Variants in OR1F1 observed in about 807,000 individuals in gnomAD.
OR1F1 encodes olfactory receptor 1F1.
For synonymous variants in OR1F1, 184 were observed against 156.7 expected, an observed-to-expected ratio of 1.17 and a Z score of -1.30; for missense variants, 493 against 376.3, an observed-to-expected ratio of 1.31 and a Z score of -2.57.
the OR1F1 span, among the ~76,000 whole-genome samples, chr16:3,198,844 T>C: frequency 6.6e-6 from 1 of 151,596 alleles, no homozygotes; most frequent in East Asian, 1.9e-4. Flanking sequence ...AAAAATTAGC[T>C]GGGCTTGGAG....
At chr16:3,193,071 G>A in the OR1F1 span, among the ~76,000 whole-genome samples, 1 of 152,170 alleles carries the variant, frequency 6.6e-6, no homozygotes, top group South Asian at 2.1e-4. Flanking sequence ...CGAGTAGTTG[G>A]AGGAGCCACC....
At chr16:3,200,917 ATC>A (rs2141589339), upstream of OR1F1, among the ~76,000 whole-genome samples, 1 of 152,350 alleles carries the variant, frequency 6.6e-6, no homozygotes, top group East Asian at 1.9e-4. Flanking sequence ...AATCACCATT[ATC>A]TGTTTCCAAA....
At chr16:3,196,217 T>C in the OR1F1 span, among the ~76,000 whole-genome samples, 1 of 152,194 alleles carries the variant, frequency 6.6e-6, no homozygotes, top group African/African-American at 2.4e-5. Flanking sequence ...TTGAGCCCTG[T>C]GTTGAGCACA....
the OR1F1 span, among the ~76,000 whole-genome samples, chr16:3,192,673 T>TGG: frequency 1.3e-5 from 2 of 152,248 alleles, no homozygotes; most frequent in East Asian, 3.9e-4. Context: ...GGGTTTTGTC[T>TGG]GGCTCCTTGC....
At chr16:3,194,880 C>T in the OR1F1 span, among the ~76,000 whole-genome samples, 27 of 152,310 alleles carry the variant, frequency 1.8e-4, no homozygotes, top group Admixed American at 1.3e-3. Context: ...GCCTCGGCCT[C>T]CCAAAATGCT....
At chr16:3,195,266 C>A in the OR1F1 span, among the ~76,000 whole-genome samples, 1 of 151,832 alleles carries the variant, frequency 6.6e-6, no homozygotes, top group African/African-American at 2.4e-5. Flanking sequence ...GTGCTAATTG[C>A]GTTTACTATT....
At chr16:3,201,766 G>A (rs1958138228), upstream of OR1F1, among the ~76,000 whole-genome samples, 1 of 152,122 alleles carries the variant, frequency 6.6e-6, no homozygotes, top group African/African-American at 2.4e-5. Context: ...AAAGAGATGG[G>A]GCGGAAGCAG....
chr16:3,203,271 C>T (rs1263882780), upstream of OR1F1, among the ~76,000 whole-genome samples: 3 of 152,156 alleles, frequency 2.0e-5, no homozygotes, highest in African/African-American at 7.2e-5. Flanking sequence ...GAAGAGCTTG[C>T]CCTGTGATTC....
At chr16:3,205,482 A>T (rs1347971685), downstream of OR1F1, among the ~76,000 whole-genome samples, 5 of 143,572 alleles carry the variant, frequency 3.5e-5, no homozygotes, top group East Asian at 4.1e-4. Flanking sequence ...GCCTAGCTAA[A>T]TTTTTTTTTT....
At chr16:3,205,955 G>GTC (rs1958203712), downstream of OR1F1, among the ~76,000 whole-genome samples, 2 of 152,272 alleles carry the variant, frequency 1.3e-5, no homozygotes, top group East Asian at 3.9e-4. Flanking sequence ...TAATCATAAG[G>GTC]TCTGACTATC....
the OR1F1 span, among the ~76,000 whole-genome samples, chr16:3,191,561 C>T: frequency 6.6e-6 from 1 of 151,998 alleles, no homozygotes; most frequent in African/African-American, 2.4e-5. Flanking sequence ...GGGTTCGAGC[C>T]CCACGTTGGG....
At chr16:3,194,898 C>A in the OR1F1 span, among the ~76,000 whole-genome samples, 1,630 of 152,324 alleles carry the variant, frequency 0.011, 29 homozygotes, top group African/African-American at 0.037. Flanking sequence ...GCTGGGATTA[C>A]AGGCGTGAGC....
downstream of OR1F1, among the ~76,000 whole-genome samples, chr16:3,206,058 A>T (rs369144628): frequency 5.9e-5 from 9 of 152,314 alleles, no homozygotes; most frequent in African/African-American, 2.2e-4. Context: ...TTCTTTTCCT[A>T]GCAAGGAATG....
the OR1F1 span, among the ~76,000 whole-genome samples, chr16:3,195,294 G>C: frequency 2.0e-5 from 3 of 152,042 alleles, no homozygotes; most frequent in Non-Finnish European, 4.4e-5. Context: ...GAAAAGAAAA[G>C]AAAACAGAAA....
the OR1F1 span, among the ~76,000 whole-genome samples, chr16:3,192,631 G>A: frequency 6.6e-6 from 1 of 152,200 alleles, no homozygotes; most frequent in African/African-American, 2.4e-5. Flanking sequence ...CACGATCCCG[G>A]GGGGCGTCGG....
chr16:3,198,728 C>G, the OR1F1 span, among the ~76,000 whole-genome samples: 10 of 152,216 alleles, frequency 6.6e-5, no homozygotes, highest in South Asian at 6.2e-4. Flanking sequence ...GTGGCTCACG[C>G]CTGGAATCCC....
upstream of OR1F1, among the ~76,000 whole-genome samples, chr16:3,201,109 A>G (rs188706923): frequency 8.7e-4 from 132 of 152,338 alleles, no homozygotes; most frequent in Non-Finnish European, 5.7e-4. Context: ...TTCACTTAGC[A>G]TAATGTCTCA....
chr16:3,205,048 G>T (rs758908556), exon 1 of OR1F1: 1 of 1,614,054 alleles, frequency 6.2e-7, no homozygotes, highest in Non-Finnish European at 8.5e-7. Context: ...CTCCCACTCA[G>T]CTGAGAAAGA....
At chr16:3,202,061 G>A (rs572576053), upstream of OR1F1, among the ~76,000 whole-genome samples, 9 of 152,256 alleles carry the variant, frequency 5.9e-5, no homozygotes, top group Non-Finnish European at 1.0e-4. Flanking sequence ...CCACTGGCTC[G>A]CCCTTGTATT....
Sources: gnomAD v4.1 joint callset for allele counts (sites outside exome capture counted in the v4.1 genomes callset) on GRCh38, gnomAD v4.1.1 for gene constraint, MANE v1.5 for transcripts, NCBI Gene and HGNC (gene_info 2026-07-23, HGNC 2026-07-21) for gene names.